The following TBC1D9 variants were observed in gnomAD, a reference collection of about 807,000 sequenced individuals.
TBC1D9 encodes the protein TBC1 domain family member 9A.
TBC1D9 carries 63 observed loss-of-function variants against 132.0 expected under a neutral mutation model. The observed-to-expected ratio is 0.48, with a 90% CI of 0.39 to 0.59. TBC1D9 has a LOEUF of 0.59. Ranked by LOEUF, TBC1D9 falls within the 20% of genes least tolerant of loss-of-function variation. The pLI, the probability that TBC1D9 is intolerant of heterozygous loss-of-function variation, is 0.00. For synonymous variants in TBC1D9, 610 were observed against 609.9 expected, an observed-to-expected ratio of 1.00 and a Z score of 0.00; for missense variants, 1,261 against 1,592.7, an observed-to-expected ratio of 0.79 and a Z score of 3.54.
chr4:140,709,200 T>C (rs140848443), intron 1 of TBC1D9, among the ~76,000 whole-genome samples: 1 of 148,614 alleles, frequency 6.7e-6, no homozygotes, highest in East Asian at 2.0e-4. Context: ...CCGTTACCTG[T>C]GGGGAAGGAA....
At chr4:140,715,257 C>T (rs13103762) in intron 1 of TBC1D9, among the ~76,000 whole-genome samples, 1 of 152,010 alleles carries the variant, frequency 6.6e-6, no homozygotes, top group Non-Finnish European at 1.5e-5. Context: ...GTCTGACCCC[C>T]CTTTCTCATC....
At position 140,697,765 on chromosome 4, in the gene TBC1D9, C is replaced by T. The variant is rs570485073; in HGVS notation, c.241+3739G>A. Among the ~76,000 whole-genome samples, 30 of 152,278 alleles carry T rather than the reference C, an allele frequency of 2.0e-4. 1 individual carries two copies. The highest frequency in any genetic ancestry group is 4.1e-4 in the South Asian group (2 of 4,828). Reference sequence around the variant, plus strand: ...CCAGAATCAGACTGAGGAGTAGTAACGTCAGGCAGTGACATTATAAATGTC... The same window carrying T: ...CCAGAATCAGACTGAGGAGTAGTAATGTCAGGCAGTGACATTATAAATGTC... On this transcript the variant is annotated intron_variant, in intron 2 of 20. Transcript: ENST00000442267.
At chr4:140,688,510 ATTAAAAAAT>A (rs772229340) in intron 2 of TBC1D9, among the ~76,000 whole-genome samples, 16 of 152,208 alleles carry the variant, frequency 1.1e-4, no homozygotes, top group Non-Finnish European at 1.8e-4. Context: ...CTACAAAAAA[ATTAAAAAAT>A]TAGCTGGGAG....
chr4:140,669,226 G>C (rs1054176930), intron 8 of TBC1D9, among the ~76,000 whole-genome samples, 159 bp from the exon 9 acceptor site: 1 of 152,184 alleles, frequency 6.6e-6, no homozygotes. Context: ...TTCTTCTCTA[G>C]TTTTATACAT....
Position 140,679,150 on chromosome 4 carries a change from G to C in TBC1D9, c.643C>G (p.Leu215Val). The C allele has an allele frequency of 6.2e-7, 1 of 1,613,838 alleles. No individual in the cohort carries two copies. Among genetic ancestry groups the C allele is most frequent in the Non-Finnish European group, 8.5e-7 (1 of 1,179,828 alleles). ...DITQLEKNATLLLPDVIKVST... is the reference protein window; with the variant it reads ...DITQLEKNATVLLPDVIKVST... ...ACTTTGATCACATCAGGCAGAAGCA[G>C]GGTGGCATTCTTCTCAAGCTGAGTG... is the stretch of plus-strand genomic sequence containing the variant. Residue 215 changes from leucine (L) to valine (V), a missense_variant, in exon 5 of 21, where the codon CTG (leucine) becomes GTG (valine). Coordinates refer to ENST00000442267, the MANE Select transcript of TBC1D9 (RefSeq NM_015130.3).
In TBC1D9 at chr4:140,709,248, T is replaced by TCTCTCA. The variant is rs1382500714; in HGVS notation, c.131-7635_131-7634insTGAGAG. On this transcript the variant is annotated intron_variant, in intron 1 of 20. Transcript: ENST00000442267. ...CTCTCTCTCTCTCTCTCTCTCTCTC[T>TCTCTCA]CACACACACACACACACACACACAC... 1.8e-3 allele frequency among the ~76,000 whole-genome samples: 184 copies of TCTCTCA among 104,186 alleles called. 1 individual carries two copies. Among genetic ancestry groups the TCTCTCA allele is most frequent in the African/African-American group, 6.3e-3 (144 of 22,690 alleles). 68.4% of individuals were successfully genotyped at this position (104,186 alleles called of 152,430 possible). A position where few individuals can be genotyped will look rare whatever the true frequency, so the allele number is the denominator to read the frequency against.
Position 140,657,589 on chromosome 4 carries a change from A to G in TBC1D9, c.2145T>C (p.Asp715=). The G allele has an allele frequency of 6.2e-7, 1 of 1,613,988 alleles. No homozygotes were observed. Among genetic ancestry groups the G allele is most frequent in the Non-Finnish European group, 8.5e-7 (1 of 1,179,880 alleles). The change falls in exon 12 of 21, where the codon GAT becomes GAC. Residue 715 remains aspartate (D), a synonymous_variant. Coordinates refer to ENST00000442267, the MANE Select transcript of TBC1D9 (RefSeq NM_015130.3). ...AGTTCAACAGTTTGTCCACATTTGC[A>G]TCCAGCACAGCTAGGGCCAACTGGA... ...VIFQLALAVL[D]ANVDKLLNCK...
Position 140,642,865 on chromosome 4 carries a change from G to A in TBC1D9, c.2338-3437C>T, listed in dbSNP as rs181066605. 601 of 572,316 alleles carry A rather than the reference G, an allele frequency of 1.1e-3. 1 individual carries two copies. Among genetic ancestry groups the A allele is most frequent in the Non-Finnish European group, 1.6e-3 (519 of 325,108 alleles). 35.5% of individuals were successfully genotyped at this position (572,316 alleles called of 1,614,324 possible). ...TCGGGGGCGTGGGTCTGTTTCCACGGCCTGCGTGCCAAGCTTCCATGGGAC... is the reference window on the plus strand; with the variant it reads ...TCGGGGGCGTGGGTCTGTTTCCACGACCTGCGTGCCAAGCTTCCATGGGAC... On this transcript the variant is annotated intron_variant, in intron 13 of 20. Coordinates refer to ENST00000442267, the MANE Select transcript of TBC1D9 (RefSeq NM_015130.3).
chr4:140,694,694 T>C (rs957364025), intron 2 of TBC1D9, among the ~76,000 whole-genome samples: 1 of 149,536 alleles, frequency 6.7e-6, no homozygotes, highest in East Asian at 1.9e-4. Context: ...CTGTTATATA[T>C]TTATATATAC....
At position 140,714,167 on chromosome 4, in the gene TBC1D9, C is replaced by A. The variant is rs186637560; in HGVS notation, c.131-12553G>T. On this transcript the variant is annotated intron_variant, in intron 1 of 20. Coordinates refer to ENST00000442267, the MANE Select transcript of TBC1D9 (RefSeq NM_015130.3). ...ACGTGGCCTAGGATGAAAAGATGAGCCACTTCCCTTGTTGGCAAAAAAGAG... is the reference window on the plus strand; with the variant it reads ...ACGTGGCCTAGGATGAAAAGATGAGACACTTCCCTTGTTGGCAAAAAAGAG... Among the ~76,000 whole-genome samples the A allele has an allele frequency of 8.8e-3, 1,338 of 152,270 alleles. 15 individuals carry two copies. Among genetic ancestry groups the A allele is most frequent in the Middle Eastern group, 0.024 (7 of 294 alleles).
In TBC1D9 at chr4:140,686,500, T is replaced by G. The variant is rs527338970; in HGVS notation, c.242-38A>C. ...AAATAATAATTCATGTCAGATTTCATGCCAAAGATATTTTAAAAACCAGGC... is the reference window on the plus strand; with the variant it reads ...AAATAATAATTCATGTCAGATTTCAGGCCAAAGATATTTTAAAAACCAGGC... On this transcript the variant is annotated intron_variant, in intron 2 of 20. Coordinates refer to ENST00000442267, the MANE Select transcript of TBC1D9 (RefSeq NM_015130.3). The G allele has an allele frequency of 1.1e-5, 15 of 1,323,100 alleles. No individual in the cohort carries two copies. In the African/African-American group the frequency reaches 2.0e-4, roughly 18 times the overall value. 82.0% of individuals were successfully genotyped at this position (1,323,100 alleles called of 1,614,324 possible). A position where few individuals can be genotyped will look rare whatever the true frequency, so the allele number is the denominator to read the frequency against.
chr4:140,690,466 T>C (rs1737859921), intron 2 of TBC1D9, among the ~76,000 whole-genome samples: 1 of 152,106 alleles, frequency 6.6e-6, no homozygotes, highest in Admixed American at 6.5e-5. Context: ...GCCCCAAACC[T>C]ATTGCTTCTG....
chr4:140,640,316 A>G (rs954613569), intron 13 of TBC1D9, among the ~76,000 whole-genome samples: 3 of 151,780 alleles, frequency 2.0e-5, no homozygotes, highest in Non-Finnish European at 4.4e-5. Context: ...AGGGTATCAC[A>G]TGTTGTGTGA....
chr4:140,730,335 T>C (rs1469069639), intron 1 of TBC1D9, among the ~76,000 whole-genome samples: 1 of 152,192 alleles, frequency 6.6e-6, no homozygotes, highest in Non-Finnish European at 1.5e-5. Flanking sequence ...TGCCTTACAT[T>C]GTTGGTACCA....
chr4:140,741,693 A>G (rs924535426), intron 1 of TBC1D9, among the ~76,000 whole-genome samples: 1 of 152,186 alleles, frequency 6.6e-6, no homozygotes, highest in Middle Eastern at 3.2e-3. Context: ...ACTCTAGCCT[A>G]GGCGGCAGAG....
chr4:140,716,737 T>C (rs1738339422), intron 1 of TBC1D9, among the ~76,000 whole-genome samples: 1 of 152,108 alleles, frequency 6.6e-6, no homozygotes, highest in Non-Finnish European at 1.5e-5. Context: ...ATTATTTTTA[T>C]ATTATTGATT....
At chr4:140,651,965 A>G (rs964518330) in intron 13 of TBC1D9, among the ~76,000 whole-genome samples, 7 of 152,200 alleles carry the variant, frequency 4.6e-5, no homozygotes, top group Non-Finnish European at 1.5e-5. Context: ...TTGGTTGGGC[A>G]CGGTGGCTTA....
At position 140,662,040 on chromosome 4, in the gene TBC1D9, C is replaced by A. The variant is rs1737369527; in HGVS notation, c.1656G>T (p.Lys552Asn). 6.2e-7 allele frequency: 1 copy of A among 1,613,940 alleles called. No individual in the cohort carries two copies. The highest frequency in any genetic ancestry group is 8.5e-7 in the Non-Finnish European group (1 of 1,179,876). ...CAATCTCCTCCGTGGCGAGATTATA[C>A]TTCCCCATGGACTTCTCCACTAGGT... Reference protein sequence around the residue: ...YEDLVEKSMGKYNLATEEIER... With the variant: ...YEDLVEKSMGNYNLATEEIER... The change falls in exon 10 of 21, where the codon AAG (lysine) becomes AAT (asparagine). Residue 552 changes from lysine to asparagine, a missense_variant. By Grantham distance (94) the Lys-to-Asn change is moderately conservative (BLOSUM62 0). Transcript: ENST00000442267.
chr4:140,661,860 A>AT (rs751347233), intron 10 of TBC1D9, 33 bp downstream of exon 10: 19 of 1,546,008 alleles, frequency 1.2e-5, no homozygotes, highest in East Asian at 4.6e-5. Flanking sequence ...ATTTTATTTT[A>AT]TTTTTTTAGC....
Sources: gnomAD v4.1 joint callset for allele counts (sites outside exome capture counted in the v4.1 genomes callset) on GRCh38, gnomAD v4.1.1 for gene constraint, MANE v1.5 for transcripts, NCBI Gene and HGNC (gene_info 2026-07-23, HGNC 2026-07-21) for gene names.